PPIP5K2: variants seen among roughly 807,000 people sequenced by gnomAD.
PPIP5K2 encodes the protein inositol hexakisphosphate and diphosphoinositol-pentakisphosphate kinase 2.
Under a neutral mutation model 154.6 loss-of-function variants are expected in PPIP5K2, and 105 were observed. That is an observed-to-expected ratio of 0.68 (90% CI 0.58 to 0.80). The LOEUF (loss-of-function observed/expected upper bound fraction) is 0.80, where lower values mean the gene tolerates loss of function less well. PPIP5K2 is among the 30% of genes least tolerant of loss of function. The pLI is 0.00. For synonymous variants in PPIP5K2, 480 were observed against 490.3 expected, an observed-to-expected ratio of 0.98 and a Z score of 0.28; for missense variants, 992 against 1,504.6, an observed-to-expected ratio of 0.66 and a Z score of 5.64.
intron 17 of PPIP5K2, among the ~76,000 whole-genome samples, chr5:103,160,693 C>T (rs990310367): frequency 6.6e-6 from 1 of 152,156 alleles, no homozygotes; most frequent in Admixed American, 6.5e-5. Flanking sequence ...TAACAGGCCA[C>T]ATTTGACCTG....
rs782766155 is a variant in PPIP5K2 at position 103,187,352 on chromosome 5, T to G, written c.3328T>G (p.Ser1110Ala). The G allele has an allele frequency of 4.1e-5, 63 of 1,535,272 alleles. No individual in the cohort carries two copies. The Middle Eastern group carries it at 2.7e-3, about 65-fold the overall frequency. Residue 1110 changes from serine (S) to alanine (A), a missense_variant, in exon 28 of 31, where the codon TCA becomes GCA. Ser to Ala is a moderately conservative substitution (Grantham distance 99). Around this residue, in one of 9 missense-constraint regions of PPIP5K2, gnomAD observed 29 missense variants for 56.4 expected, o/e 0.51. Coordinates refer to ENST00000358359, the MANE Select transcript of PPIP5K2 (RefSeq NM_001276277.3). ...RGSAVKRFSISFARHPTNGFE... is the reference protein window; with the variant it reads ...RGSAVKRFSIAFARHPTNGFE... ...TTCTGCTGTTAAAAGGTTTTCTATCTCATTTGCTCGACACCCAACCAATGG... is the reference window on the plus strand; with the variant it reads ...TTCTGCTGTTAAAAGGTTTTCTATCGCATTTGCTCGACACCCAACCAATGG...
chr5:103,172,934 T>G (rs1218303531), intron 19 of PPIP5K2, among the ~76,000 whole-genome samples: 2 of 151,866 alleles, frequency 1.3e-5, no homozygotes, highest in Non-Finnish European at 2.9e-5. Flanking sequence ...CTTCAGAAAT[T>G]ACTGGCTTTT....
rs1211753781 is a variant in PPIP5K2, at chr5:103,158,206, C to G, written c.1508C>G (p.Pro503Arg). 1.2e-5 allele frequency: 19 copies of G among 1,613,316 alleles called. No homozygotes were observed. Among genetic ancestry groups the G allele is most frequent in the Non-Finnish European group, 1.6e-5 (19 of 1,179,476 alleles). ...SEEEDSRREE[P>R]SLLLVLKWGG... ...GTCATAGACAGCCGAAGAGAAGAAC[C>G]ATCTTTACTTTTGGTTCTAAAATGG... Residue 503 changes from proline (P) to arginine (R), a missense_variant, in exon 15 of 31, where the codon CCA (proline) becomes CGA (arginine). Transcript: ENST00000358359.
chr5:103,138,643 G>C (rs1377976531), intron 5 of PPIP5K2, among the ~76,000 whole-genome samples, 174 bp downstream of exon 5: 1 of 152,138 alleles, frequency 6.6e-6, no homozygotes, highest in Non-Finnish European at 1.5e-5. Flanking sequence ...TGAGTTAAAA[G>C]GCTACCTAAT....
In PPIP5K2 at chr5:103,206,286, G is replaced by A. The variant is rs1803508493; in HGVS notation, c.*4652G>A. On this transcript the variant is annotated 3_prime_UTR_variant, in exon 31 of 31. Transcript: ENST00000358359. ...TTATCCCAAAGTTGTTTTCTCTCGT[G>A]TTAACAATAATTGCTGTCGGTTTCA... 1 of 152,112 alleles carries A rather than the reference G, an allele frequency of 6.6e-6. No individual in the cohort carries two copies. The highest frequency in any genetic ancestry group is 2.4e-5 in the African/African-American group (1 of 41,416). The allele number at this position is 152,112 out of a possible 1,614,324, so 9.4% of individuals were successfully genotyped here.
intron 1 of PPIP5K2, among the ~76,000 whole-genome samples, chr5:103,122,272 A>G (rs1225558972): frequency 6.6e-6 from 1 of 152,228 alleles, no homozygotes; most frequent in African/African-American, 2.4e-5. Context: ...AAGTGAAAAG[A>G]TAGATCCAAA....
chr5:103,197,780 G>A (rs1802343990), intron 30 of PPIP5K2, among the ~76,000 whole-genome samples: 1 of 151,306 alleles, frequency 6.6e-6, no homozygotes, highest in African/African-American at 2.4e-5. Flanking sequence ...GTTTCACCAT[G>A]TTGGCCAGGC....
In PPIP5K2 at chr5:103,159,241, T is replaced by A; in HGVS notation, c.1833T>A (p.Ser611=). The change falls in exon 17 of 31, where the codon TCT becomes TCA. Residue 611 remains serine, a synonymous_variant. Transcript: ENST00000358359. Reference sequence around the variant, plus strand: ...GTCTTTTGGATAGTGATAGTGACTCTCTGAGCAGTTGTCAGCAACGTGTGA... The same window carrying A: ...GTCTTTTGGATAGTGATAGTGACTCACTGAGCAGTTGTCAGCAACGTGTGA... ...MNGLLDSDSD[S]LSSCQQRVKA... is the part of the protein sequence containing the mutation. 1 of 1,613,234 alleles carries A rather than the reference T, an allele frequency of 6.2e-7. No individual in the cohort carries two copies. The highest frequency in any genetic ancestry group is 8.5e-7 in the Non-Finnish European group (1 of 1,179,328).
intron 23 of PPIP5K2, among the ~76,000 whole-genome samples, chr5:103,178,693 A>T (rs898033628): frequency 2.6e-5 from 4 of 151,616 alleles, no homozygotes; most frequent in Middle Eastern, 3.2e-3. Flanking sequence ...CTTTTTCAGT[A>T]TTGGGTCTTC....
chr5:103,212,167 G>A lies in PPIP5K2; in HGVS notation c.*10533G>A, dbSNP rs1803840902. ...ATTCACAAAGGAGGGAGCAGGAAAG[G>A]GTTTCTCTTGACTGGACCACAAATA... is the stretch of plus-strand genomic sequence containing the variant. On this transcript the variant is annotated 3_prime_UTR_variant, in exon 31 of 31. Transcript: ENST00000358359. The A allele has an allele frequency of 6.6e-6, 1 of 151,988 alleles. No homozygotes were observed. The highest frequency in any genetic ancestry group is 2.4e-5 in the African/African-American group (1 of 41,380). The allele number at this position is 151,988 out of a possible 1,614,324, so 9.4% of individuals were successfully genotyped here.
chr5:103,171,210 T>A (rs1014555759), intron 19 of PPIP5K2, among the ~76,000 whole-genome samples: 3 of 151,486 alleles, frequency 2.0e-5, no homozygotes, highest in Admixed American at 6.6e-5. Context: ...TTAACCAGGC[T>A]TAATCCTCAG....
chr5:103,173,367 A>C lies in PPIP5K2; in HGVS notation c.2414+85A>C, dbSNP rs1395132338. 2.8e-6 allele frequency: 4 copies of C among 1,406,730 alleles called. No homozygotes were observed. In the Admixed American group the frequency reaches 8.9e-5, roughly 31 times the overall value. 87.1% of individuals were successfully genotyped at this position (1,406,730 alleles called of 1,614,324 possible). ...TAAATTATACTTTGATGGTCCTATG[A>C]AGTCAGAAGTGTGTCATTGGCATAC... On this transcript the variant is annotated intron_variant, in intron 20 of 30. Coordinates refer to ENST00000358359, the MANE Select transcript of PPIP5K2 (RefSeq NM_001276277.3).
intron 30 of PPIP5K2, 107 bp downstream of exon 30, chr5:103,195,132 C>A: frequency 7.3e-7 from 1 of 1,373,388 alleles, no homozygotes; most frequent in East Asian, 2.4e-5. Context: ...TTGCACTTCC[C>A]TAGAGCGTAA....
chr5:103,170,457 G>C lies in PPIP5K2; in HGVS notation c.2286+2162G>C, dbSNP rs185254414. ...TCTCGGATAAGTTATTTTTTAAATC[G>C]TTTGACTCTTCAGATAAAATTATGC... On this transcript the variant is annotated intron_variant, in intron 19 of 30. Coordinates refer to ENST00000358359, the MANE Select transcript of PPIP5K2 (RefSeq NM_001276277.3). Among the ~76,000 whole-genome samples the C allele has an allele frequency of 4.0e-5, 6 of 151,524 alleles. No individual in the cohort carries two copies. The East Asian group carries it at 9.7e-4, about 24-fold the overall frequency.
At chr5:103,186,802 T>G (rs781951205) in intron 27 of PPIP5K2, among the ~76,000 whole-genome samples, 24 of 152,176 alleles carry the variant, frequency 1.6e-4, no homozygotes, top group Non-Finnish European at 2.8e-4. Context: ...CTAATTAAAG[T>G]GAGTGGAATG....
In PPIP5K2 at chr5:103,158,516, C is replaced by G; in HGVS notation, c.1680C>G (p.Leu560=). The change falls in exon 16 of 31, where the codon CTC becomes CTG. Residue 560 remains leucine, a synonymous_variant. Coordinates refer to ENST00000358359, the MANE Select transcript of PPIP5K2 (RefSeq NM_001276277.3). ...TACATAGCACCTACAGACATGACCT[C>G]AAAATATATGCCTCTGATGAAGGAC... ...LRLHSTYRHD[L]KIYASDEGRV... 6.2e-7 allele frequency: 1 copy of G among 1,612,938 alleles called. No homozygotes were observed. Among genetic ancestry groups the G allele is most frequent in the South Asian group, 1.1e-5 (1 of 90,790 alleles).
At chr5:103,190,170 C>T (rs1163046115) in intron 28 of PPIP5K2, among the ~76,000 whole-genome samples, 1 of 151,824 alleles carries the variant, frequency 6.6e-6, no homozygotes, top group African/African-American at 2.4e-5. Context: ...ATAAAATTTT[C>T]GTATTTCTGT....
At chr5:103,156,859 TA>T (rs1444060035) in intron 14 of PPIP5K2, among the ~76,000 whole-genome samples, 1 of 152,170 alleles carries the variant, frequency 6.6e-6, no homozygotes, top group Non-Finnish European at 1.5e-5. Context: ...TGGTATTATT[TA>T]TAGTAGCAAA....
At chr5:103,164,947 C>G (rs1554217290) in intron 17 of PPIP5K2, among the ~76,000 whole-genome samples, 1 of 152,040 alleles carries the variant, frequency 6.6e-6, no homozygotes, top group African/African-American at 2.4e-5. Context: ...CAGTCTGTAG[C>G]CAGACTACCT....
Sources: allele counts gnomAD v4.1 joint callset (sites outside exome capture counted in the v4.1 genomes callset), GRCh38; gene constraint gnomAD v4.1.1; regional missense constraint gnomAD v4.1.1; transcripts MANE v1.5; gene names NCBI Gene and HGNC (gene_info 2026-07-23, HGNC 2026-07-21).